LARS1: variants seen among roughly 807,000 people sequenced by gnomAD.
The protein encoded by LARS1 is leucine--tRNA ligase, cytoplasmic.
Under a neutral mutation model 162.8 loss-of-function variants are expected in LARS1, and 100 were observed. That is an observed-to-expected ratio of 0.61 (90% CI 0.52 to 0.73). The LOEUF (loss-of-function observed/expected upper bound fraction) is 0.73. Ranked by LOEUF, LARS1 falls within the 30% of genes least tolerant of loss-of-function variation. The pLI is 0.00. For missense variants in LARS1, 1,258 were observed against 1,408.9 expected (o/e 0.89, Z 1.71); for synonymous variants, 457 against 462.8 (o/e 0.99, Z 0.16).
chr5:146,142,310 C>A (rs1349777648), intron 20 of LARS1, among the ~76,000 whole-genome samples: 1 of 152,124 alleles, frequency 6.6e-6, no homozygotes, highest in Non-Finnish European at 1.5e-5. Context: ...ACTCCAAAAT[C>A]TTCGTTTTAT....
intron 21 of LARS1, among the ~76,000 whole-genome samples, chr5:146,136,120 T>C (rs997470468): frequency 2.6e-5 from 4 of 152,274 alleles, no homozygotes; most frequent in African/African-American, 9.6e-5. Context: ...AGTTGTGCTC[T>C]GCCTTAGGGC....
chr5:146,151,765 G>T, intron 14 of LARS1, 97 bp downstream of exon 14: 2 of 1,142,950 alleles, frequency 1.7e-6, no homozygotes, highest in Non-Finnish European at 2.5e-6. Flanking sequence ...TCAATGTATA[G>T]CTGAAACTAT....
rs1160143624 is a variant in LARS1 at position 146,170,589 on chromosome 5, CA to C, written c.294+1320del. ...ATGTTGAATTTCTTGGAGGGGATAA[CA>C]GGACTCTGATAATGTAGAAGAATGC... On this transcript the variant is annotated intron_variant, in intron 4 of 31. Coordinates refer to ENST00000394434, the MANE Select transcript of LARS1 (RefSeq NM_020117.11). Among the ~76,000 whole-genome samples the C allele has an allele frequency of 4.6e-5, 7 of 152,080 alleles. 1 individual carries two copies. In the South Asian group the frequency reaches 1.2e-3, roughly 27 times the overall value.
At chr5:146,181,868 T>C (rs931323780) in intron 1 of LARS1, among the ~76,000 whole-genome samples, 2 of 138,990 alleles carry the variant, frequency 1.4e-5, no homozygotes, top group Admixed American at 1.5e-4. Context: ...TTTTTTTTTT[T>C]TTTTTTTTTT....
At chr5:146,129,368 G>A (rs1197687440) in intron 25 of LARS1, among the ~76,000 whole-genome samples, 2 of 152,040 alleles carry the variant, frequency 1.3e-5, no homozygotes, top group Middle Eastern at 3.2e-3. Context: ...ACACACATAT[G>A]CTCACTTTCA....
At position 146,172,086 on chromosome 5, in the gene LARS1, C is replaced by T. The variant is rs906399372; in HGVS notation, c.214-96G>A. 1.9e-5 allele frequency: 20 copies of T among 1,079,472 alleles called. No individual in the cohort carries two copies. In the Admixed American group the frequency reaches 2.1e-4, roughly 11 times the overall value. 66.9% of individuals were successfully genotyped at this position (1,079,472 alleles called of 1,614,324 possible). On this transcript the variant is annotated intron_variant, in intron 3 of 31. Transcript: ENST00000394434. The stretch of plus-strand genomic sequence containing the variant: ...ACAAAAAAATTAGTTTTCTTCTTTA[C>T]ATCCTCCTTTGGAATGCCAGTTAGA...
chr5:146,147,292 G>A (rs1467988831), intron 15 of LARS1, among the ~76,000 whole-genome samples: 1 of 151,956 alleles, frequency 6.6e-6, no homozygotes, highest in Non-Finnish European at 1.5e-5. Flanking sequence ...AATCAGCCAG[G>A]CATGGAGGCA....
chr5:146,158,913 G>C (rs1314165174), intron 8 of LARS1, among the ~76,000 whole-genome samples: 1 of 151,986 alleles, frequency 6.6e-6, no homozygotes, highest in East Asian at 1.9e-4. Flanking sequence ...TGGCTAACAC[G>C]GTGAAACCCC....
chr5:146,136,800 C>G (rs1297688752), intron 21 of LARS1, among the ~76,000 whole-genome samples: 3 of 152,052 alleles, frequency 2.0e-5, no homozygotes, highest in Non-Finnish European at 4.4e-5. Context: ...CTTAAAGGAA[C>G]ATCTTTTATT....
intron 14 of LARS1, among the ~76,000 whole-genome samples, chr5:146,150,828 A>G (rs1371720298): frequency 6.6e-6 from 1 of 151,648 alleles, no homozygotes; most frequent in African/African-American, 2.4e-5. Flanking sequence ...AGTCCCAGCT[A>G]CTCAGGAGTC....
In LARS1 at chr5:146,159,456, G is replaced by A. The variant is rs1753679358; in HGVS notation, c.722C>T (p.Ser241Phe). Residue 241 changes from serine (S) to phenylalanine (F), a missense_variant, in exon 8 of 32, where the codon TCT (serine) becomes TTT (phenylalanine). Transcript: ENST00000394434. Reference protein sequence around the residue: ...IKFGKRYTIYSPKDGQPCMDH... With the variant: ...IKFGKRYTIYFPKDGQPCMDH... ...CATGCAAGGCTGTCCATCTTTCGGAGAGTAAATTGTATACCTAAAAAATAA... is the reference window on the plus strand; with the variant it reads ...CATGCAAGGCTGTCCATCTTTCGGAAAGTAAATTGTATACCTAAAAAATAA... 6.2e-7 allele frequency: 1 copy of A among 1,610,802 alleles called. No homozygotes were observed. The highest frequency in any genetic ancestry group is 1.3e-5 in the African/African-American group (1 of 74,840).
At chr5:146,164,256 A>G (rs1753903242) in intron 6 of LARS1, 54 bp downstream of exon 6, 4 of 1,533,044 alleles carry the variant, frequency 2.6e-6, no homozygotes, top group Non-Finnish European at 3.6e-6. Context: ...GCAAAGCACA[A>G]TAAAAAAGCA....
At chr5:146,150,942 G>GACACAGAC (rs1554129884) in intron 14 of LARS1, among the ~76,000 whole-genome samples, 1 of 134,808 alleles carries the variant, frequency 7.4e-6, no homozygotes, top group Admixed American at 7.7e-5. Flanking sequence ...CCGTCAGATA[G>GACACAGAC]ACACACACAC....
chr5:146,115,843 G>C (rs1487019230), intron 31 of LARS1, among the ~76,000 whole-genome samples: 1 of 152,126 alleles, frequency 6.6e-6, no homozygotes, highest in Non-Finnish European at 1.5e-5. Flanking sequence ...GATATTTTCT[G>C]AATTACTTCC....
chr5:146,177,536 CTA>C lies in LARS1; in HGVS notation c.125+9_125+10del. 5.8e-6 allele frequency: 6 copies of C among 1,035,328 alleles called. No homozygotes were observed. Among genetic ancestry groups the C allele is most frequent in the Non-Finnish European group, 8.6e-6 (6 of 699,466 alleles). 64.1% of individuals were successfully genotyped at this position (1,035,328 alleles called of 1,614,324 possible). The stretch of plus-strand genomic sequence containing the variant: ...AATACAATGTGCAGAACTTCACAAA[CTA>C]TTACTCACCTGGTCTGTTTCTCTAA... On this transcript the variant is annotated intron_variant, in intron 2 of 31. Coordinates refer to ENST00000394434, the MANE Select transcript of LARS1 (RefSeq NM_020117.11).
chr5:146,145,261 T>G (rs72822252), intron 15 of LARS1, among the ~76,000 whole-genome samples: 9,184 of 145,704 alleles, frequency 0.063, 313 homozygotes, highest in Non-Finnish European at 0.072. Context: ...TTTTTTAATT[T>G]TTTTATAGAA....
Position 146,172,749 on chromosome 5 carries a change from G to C in LARS1, c.151C>G (p.Pro51Ala), listed in dbSNP as rs1213746997. 1 of 1,570,518 alleles carries C rather than the reference G, an allele frequency of 6.4e-7. No individual in the cohort carries two copies. Among genetic ancestry groups the C allele is most frequent in the African/African-American group, 1.4e-5 (1 of 73,194 alleles). ...AGGCGTCCATTCATATATGGATATG[G>C]GAAGGTTACAAAATACTTGCCCTTG... is the stretch of plus-strand genomic sequence containing the variant. ...TSKGKYFVTF[P>A]YPYMNGRLHL... Residue 51 changes from proline (P) to alanine (A), a missense_variant, in exon 3 of 32, where the codon CCA becomes GCA. By Grantham distance (27) the Pro-to-Ala change is conservative. Transcript: ENST00000394434.
In LARS1 at chr5:146,114,144, C is replaced by T. The variant is rs1266297621; in HGVS notation, c.3493G>A (p.Val1165Met). The T allele has an allele frequency of 1.2e-6, 2 of 1,613,730 alleles. No homozygotes were observed. Among genetic ancestry groups the T allele is most frequent in the Non-Finnish European group, 1.7e-6 (2 of 1,179,920 alleles). ...TAGATTATTGTATCGCCAATATCCA[C>T]CCTTATCCCATTCTCAGTCAGATGA... Reference protein sequence around the residue: ...KIHLTENGIRVDIGDTIIYLV... With the variant: ...KIHLTENGIRMDIGDTIIYLV... The change falls in exon 32 of 32, where the codon GTG becomes ATG. Residue 1165 changes from valine (V) to methionine (M), a missense_variant. By Grantham distance (21) the Val-to-Met change is conservative (BLOSUM62 1). Coordinates refer to ENST00000394434, the MANE Select transcript of LARS1 (RefSeq NM_020117.11).
At chr5:146,123,961 T>G in intron 29 of LARS1, 21 bp downstream of exon 29, 1 of 1,321,236 alleles carries the variant, frequency 7.6e-7, no homozygotes, top group South Asian at 1.2e-5. Flanking sequence ...AACTGGTTAT[T>G]ACAATCCCTG....
Sources: allele counts gnomAD v4.1 joint callset (sites outside exome capture counted in the v4.1 genomes callset), GRCh38; gene constraint gnomAD v4.1.1; transcripts MANE v1.5; gene names NCBI Gene and HGNC (gene_info 2026-07-23, HGNC 2026-07-21).